The following ATP10A variants were observed in gnomAD, a reference collection of about 807,000 sequenced individuals.
ATP10A encodes the protein phospholipid-transporting ATPase VA.
In ATP10A, 111 loss-of-function variants were observed where a neutral mutation model predicts 147.8. The ratio of observed to expected loss-of-function variants is 0.75; its 90% CI spans 0.64 to 0.88. The LOEUF (loss-of-function observed/expected upper bound fraction) is 0.88. Ranked by LOEUF, ATP10A falls within the 40% of genes least tolerant of loss-of-function variation. The pLI is 0.00. For missense variants in ATP10A, 1,927 were observed against 1,959.0 expected (o/e 0.98, Z 0.31); for synonymous variants, 875 against 841.6 (o/e 1.04, Z -0.69).
At chr15:25,681,641 G>GC (rs144230565) in intron 17 of ATP10A, among the ~76,000 whole-genome samples, 164 of 152,248 alleles carry the variant, frequency 1.1e-3, no homozygotes, top group African/African-American at 3.7e-3. Flanking sequence ...GAGACGCGAG[G>GC]CCCCAGAGGC....
At chr15:25,697,125 G>C (rs966236405) in intron 13 of ATP10A, among the ~76,000 whole-genome samples, 1 of 152,210 alleles carries the variant, frequency 6.6e-6, no homozygotes, top group Non-Finnish European at 1.5e-5. Flanking sequence ...CCATAATGTT[G>C]TTAATGAATT....
At chr15:25,821,219 G>A (rs575178986) in intron 1 of ATP10A, among the ~76,000 whole-genome samples, 1 of 152,136 alleles carries the variant, frequency 6.6e-6, no homozygotes, top group South Asian at 2.1e-4. Flanking sequence ...GGGCTACATA[G>A]CTAGACCCCT....
At position 25,863,254 on chromosome 15, in the gene ATP10A, C is replaced by G. The variant is rs1241168485; in HGVS notation, c.-158G>C. ...AGCGCGCCGCCTGGCCGGCCCAGCG[C>G]GCCCAGCCCGCGCCCAGCCCCGTCC... On this transcript the variant is annotated 5_prime_UTR_variant, in exon 1 of 21. Transcript: ENST00000555815. 1 of 330,384 alleles carries G rather than the reference C, an allele frequency of 3.0e-6. No homozygotes were observed. The highest frequency in any genetic ancestry group is 4.4e-6 in the Non-Finnish European group (1 of 226,304). 20.5% of individuals were successfully genotyped at this position (330,384 alleles called of 1,614,324 possible). A position where few individuals can be genotyped will look rare whatever the true frequency, so the allele number is the denominator to read the frequency against.
chr15:25,738,838 C>T (rs1030245610), intron 2 of ATP10A, among the ~76,000 whole-genome samples: 1 of 152,122 alleles, frequency 6.6e-6, no homozygotes, highest in African/African-American at 2.4e-5. Flanking sequence ...TATCAGGCAA[C>T]CCTGCTAGAA....
chr15:25,704,299 C>T (rs1402327572), intron 12 of ATP10A, among the ~76,000 whole-genome samples: 1 of 152,188 alleles, frequency 6.6e-6, no homozygotes, highest in African/African-American at 2.4e-5. Flanking sequence ...TGATGGATTA[C>T]TGACAATTTG....
At chr15:25,727,851 TA>T (rs1902675539) in intron 3 of ATP10A, among the ~76,000 whole-genome samples, 1 of 152,230 alleles carries the variant, frequency 6.6e-6, no homozygotes, top group Admixed American at 6.5e-5. Context: ...AGGGATAGTC[TA>T]AGCTTAAGCT....
intron 1 of ATP10A, among the ~76,000 whole-genome samples, chr15:25,783,780 C>T (rs1890038841): frequency 6.6e-6 from 1 of 152,228 alleles, no homozygotes; most frequent in Non-Finnish European, 1.5e-5. Context: ...TCTTCCTGAG[C>T]TTACCCAAGC....
intron 7 of ATP10A, among the ~76,000 whole-genome samples, chr15:25,720,494 C>T (rs1902146471): frequency 1.3e-5 from 2 of 152,118 alleles, no homozygotes; most frequent in African/African-American, 4.8e-5. Context: ...CCTCAGGACT[C>T]TGCTGAGTTC....
At chr15:25,750,540 T>C (rs1307819382) in intron 2 of ATP10A, among the ~76,000 whole-genome samples, 1 of 152,160 alleles carries the variant, frequency 6.6e-6, no homozygotes, top group Non-Finnish European at 1.5e-5. Flanking sequence ...CAACTGTTTG[T>C]TTGTTTGTTT....
chr15:25,858,058 C>G (rs1010963976), intron 1 of ATP10A, among the ~76,000 whole-genome samples: 2 of 152,218 alleles, frequency 1.3e-5, no homozygotes, highest in Admixed American at 6.5e-5. Context: ...TCCACTGCAA[C>G]TTGACCTCAT....
chr15:25,787,935 T>G (rs1890244905), intron 1 of ATP10A, among the ~76,000 whole-genome samples: 1 of 152,022 alleles, frequency 6.6e-6, no homozygotes, highest in Non-Finnish European at 1.5e-5. Context: ...GACACTGCCC[T>G]CCCCCAGGAT....
Position 25,685,188 on chromosome 15 carries a change from G to T in ATP10A, c.3292-1702C>A, listed in dbSNP as rs1899642997. Among the ~76,000 whole-genome samples the T allele has an allele frequency of 2.0e-5, 3 of 152,142 alleles. No homozygotes were observed. In the South Asian group the frequency reaches 6.2e-4, roughly 31 times the overall value. On this transcript the variant is annotated intron_variant, in intron 16 of 20. Coordinates refer to ENST00000555815, the MANE Select transcript of ATP10A (RefSeq NM_024490.4). ...AACCTTTCTTCTCTGCTTTTTATTG[G>T]AAAGAAAGGCCACCTTATTCCTAAA...
intron 2 of ATP10A, among the ~76,000 whole-genome samples, chr15:25,764,720 T>G (rs888774408): frequency 6.6e-6 from 1 of 152,228 alleles, no homozygotes; most frequent in Non-Finnish European, 1.5e-5. Context: ...GACCAAGATA[T>G]TCCCTTTCCA....
downstream of ATP10A, among the ~76,000 whole-genome samples, chr15:25,676,751 A>G (rs1004089617): frequency 6.6e-6 from 1 of 151,944 alleles, no homozygotes; most frequent in African/African-American, 2.4e-5. Flanking sequence ...TTTCTTTTAC[A>G]TATTGTTTAT....
chr15:25,732,939 A>T (rs1887030826), intron 3 of ATP10A, among the ~76,000 whole-genome samples: 1 of 152,076 alleles, frequency 6.6e-6, no homozygotes, highest in African/African-American at 2.4e-5. Context: ...CAGGCAGTCG[A>T]TGATACCTCC....
chr15:25,763,214 A>C (rs1888852180), intron 2 of ATP10A, among the ~76,000 whole-genome samples: 1 of 152,250 alleles, frequency 6.6e-6, no homozygotes. Flanking sequence ...GCTGAGAATA[A>C]GGGTGTTATT....
At chr15:25,729,470 G>A (rs1596773911) in intron 3 of ATP10A, among the ~76,000 whole-genome samples, 2 of 152,198 alleles carry the variant, frequency 1.3e-5, no homozygotes, top group Admixed American at 6.5e-5. Flanking sequence ...GGCAACACAC[G>A]CTTGCTGGCC....
At chr15:25,769,386 C>G (rs887436940) in intron 2 of ATP10A, among the ~76,000 whole-genome samples, 1 of 143,128 alleles carries the variant, frequency 7.0e-6, no homozygotes, top group African/African-American at 2.6e-5. Context: ...ACTCGGGAGG[C>G]TGAGGCAGAG....
intron 1 of ATP10A, among the ~76,000 whole-genome samples, chr15:25,816,256 G>C (rs755693814): frequency 6.6e-6 from 1 of 151,410 alleles, no homozygotes; most frequent in South Asian, 2.1e-4. Flanking sequence ...TTGATGAGGG[G>C]TCTCACTTTG....
Sources: gnomAD v4.1 joint callset for allele counts (sites outside exome capture counted in the v4.1 genomes callset) on GRCh38, gnomAD v4.1.1 for gene constraint, MANE v1.5 for transcripts, NCBI Gene and HGNC (gene_info 2026-07-23, HGNC 2026-07-21) for gene names.